Variants in PAK5 observed in about 807,000 individuals in gnomAD.
PAK5 encodes serine/threonine-protein kinase PAK 5.
A neutral mutation model predicts 65.9 loss-of-function variants in PAK5; 16 were observed. The ratio of observed to expected loss-of-function variants is 0.24; its 90% CI spans 0.16 to 0.37. The LOEUF is 0.37. PAK5 is among the 10% of genes least tolerant of loss of function. PAK5 has a pLI of 1.00. For missense variants in PAK5, 785 were observed against 903.9 expected, an observed-to-expected ratio of 0.87 and a Z score of 1.69; for synonymous variants, 371 against 354.9, an observed-to-expected ratio of 1.05 and a Z score of -0.51.
Position 9,763,499 on chromosome 20 carries a change from T to C in PAK5, c.-161-52064A>G, listed in dbSNP as rs111922745. 4.0e-3 allele frequency among the ~76,000 whole-genome samples: 611 copies of C among 151,684 alleles called. 1 individual carries two copies. The highest frequency in any genetic ancestry group is 0.014 in the African/African-American group (578 of 41,366). On this transcript the variant is annotated intron_variant, in intron 1 of 9. Coordinates refer to ENST00000353224, the MANE Select transcript of PAK5 (RefSeq NM_177990.4). ...TTATCCTAACTGATACAGACACATA[T>C]CAAAAATAAACCAATAAGCTGTTAA...
chr20:9,584,997 G>T (rs2046044192), intron 3 of PAK5, among the ~76,000 whole-genome samples: 1 of 152,084 alleles, frequency 6.6e-6, no homozygotes. Context: ...GGGCCCTTCT[G>T]AATCACTGGA....
At chr20:9,645,895 A>C (rs1276712018) in intron 2 of PAK5, among the ~76,000 whole-genome samples, 1 of 152,070 alleles carries the variant, frequency 6.6e-6, no homozygotes, top group African/African-American at 2.4e-5. Context: ...CTATCTTCCT[A>C]CACTTCTATG....
chr20:9,624,518 A>T (rs1434543183), intron 3 of PAK5, among the ~76,000 whole-genome samples: 1 of 141,714 alleles, frequency 7.1e-6, no homozygotes, highest in Non-Finnish European at 1.5e-5. Flanking sequence ...TTATAAAGGT[A>T]ACAGAATTTC....
chr20:9,695,551 T>C (rs994748143), intron 2 of PAK5, among the ~76,000 whole-genome samples: 3 of 152,066 alleles, frequency 2.0e-5, no homozygotes, highest in African/African-American at 7.2e-5. Context: ...TGACCTTTAA[T>C]AACCCTTGCT....
rs188866615 is a variant in PAK5 at position 9,691,295 on chromosome 20, C to G, written c.-12+19991G>C. 2.0e-3 allele frequency among the ~76,000 whole-genome samples: 299 copies of G among 152,198 alleles called. 2 individuals carry two copies. The highest frequency in any genetic ancestry group is 6.6e-3 in the African/African-American group (272 of 41,518). ...ACATCTGTACCAAAAGAGGAAAGCA[C>G]TTGATTACTGAGGACACTCAGACGG... On this transcript the variant is annotated intron_variant, in intron 2 of 9. Coordinates refer to ENST00000353224, the MANE Select transcript of PAK5 (RefSeq NM_177990.4).
chr20:9,812,721 TAGAA>T (rs2049312138), intron 1 of PAK5, among the ~76,000 whole-genome samples: 1 of 152,274 alleles, frequency 6.6e-6, no homozygotes, highest in Middle Eastern at 3.4e-3. Flanking sequence ...ATTAGATAGT[TAGAA>T]GGAATAAGAT....
intron 1 of PAK5, among the ~76,000 whole-genome samples, chr20:9,799,566 C>T (rs1442059439): frequency 6.6e-6 from 1 of 151,974 alleles, no homozygotes; most frequent in Non-Finnish European, 1.5e-5. Flanking sequence ...TTCTATGGGT[C>T]TTATATTCAG....
intron 1 of PAK5, among the ~76,000 whole-genome samples, chr20:9,826,998 T>C (rs1351705738): frequency 6.6e-6 from 1 of 152,126 alleles, no homozygotes; most frequent in Non-Finnish European, 1.5e-5. Context: ...TTTCTCTCTT[T>C]TCCATGTGTT....
intron 1 of PAK5, among the ~76,000 whole-genome samples, chr20:9,802,071 A>G (rs2049175563): frequency 6.6e-6 from 1 of 152,194 alleles, no homozygotes; most frequent in Admixed American, 6.5e-5. Context: ...AGTCTGGGGA[A>G]GTAAAAGAGC....
chr20:9,613,325 C>T (rs1013440663), intron 3 of PAK5, among the ~76,000 whole-genome samples: 1 of 152,248 alleles, frequency 6.6e-6, no homozygotes, highest in African/African-American at 2.4e-5. Flanking sequence ...CAGGAGGATA[C>T]AGAAGATCAC....
At chr20:9,790,456 A>G (rs188804972) in intron 1 of PAK5, among the ~76,000 whole-genome samples, 1 of 152,168 alleles carries the variant, frequency 6.6e-6, no homozygotes, top group East Asian at 1.9e-4. Flanking sequence ...GGGACATTAC[A>G]CAAAGGTAGA....
At chr20:9,574,208 TG>T (rs2045844601) in intron 4 of PAK5, among the ~76,000 whole-genome samples, 2 of 152,170 alleles carry the variant, frequency 1.3e-5, no homozygotes, top group African/African-American at 4.8e-5. Flanking sequence ...TCTGTCTCTC[TG>T]GTTGTGCCCT....
At chr20:9,622,653 C>G (rs1032774448) in intron 3 of PAK5, among the ~76,000 whole-genome samples, 1 of 152,218 alleles carries the variant, frequency 6.6e-6, no homozygotes, top group African/African-American at 2.4e-5. Context: ...CTTGTCAGAT[C>G]AGCAGCGACA....
chr20:9,585,090 A>AT (rs1362491912), intron 3 of PAK5, among the ~76,000 whole-genome samples: 7 of 152,148 alleles, frequency 4.6e-5, no homozygotes, highest in Admixed American at 1.3e-4. Context: ...ACTATATTAG[A>AT]TTTTTTTCAT....
At chr20:9,723,417 T>G (rs2123527419) in intron 1 of PAK5, among the ~76,000 whole-genome samples, 1 of 152,290 alleles carries the variant, frequency 6.6e-6, no homozygotes, top group East Asian at 1.9e-4. Flanking sequence ...TTAAATGTGT[T>G]GGTTAGAAAA....
chr20:9,558,550 G>C (rs57643694), intron 6 of PAK5, among the ~76,000 whole-genome samples: 22,721 of 152,024 alleles, frequency 0.15, 2,481 homozygotes, highest in African/African-American at 0.3. Context: ...TAACTTCCTT[G>C]GGTCTTATTT....
chr20:9,823,470 TC>T (rs749583372), intron 1 of PAK5, among the ~76,000 whole-genome samples: 5 of 152,200 alleles, frequency 3.3e-5, no homozygotes, highest in East Asian at 1.9e-4. Context: ...TGGGGGTGGT[TC>T]CCCCATACTG....
At position 9,761,048 on chromosome 20, in the gene PAK5, T is replaced by C. The variant is rs530838201; in HGVS notation, c.-161-49613A>G. Among the ~76,000 whole-genome samples, 14 of 152,306 alleles carry C rather than the reference T, an allele frequency of 9.2e-5. No homozygotes were observed. In the South Asian group the frequency reaches 2.5e-3, roughly 27 times the overall value. On this transcript the variant is annotated intron_variant, in intron 1 of 9. Coordinates refer to ENST00000353224, the MANE Select transcript of PAK5 (RefSeq NM_177990.4). ...TAGTTTTCCTTAGAGCATAAGCATA[T>C]AAAGTATCACTAGTGTCATTTCAGA...
intron 1 of PAK5, among the ~76,000 whole-genome samples, chr20:9,740,231 C>T (rs139908720): frequency 7.2e-4 from 109 of 152,152 alleles, no homozygotes; most frequent in East Asian, 4.5e-3. Context: ...CTCGCACAAC[C>T]GAAGGATTAG....
Sources: allele counts gnomAD v4.1 joint callset (sites outside exome capture counted in the v4.1 genomes callset), GRCh38; gene constraint gnomAD v4.1.1; transcripts MANE v1.5; gene names NCBI Gene and HGNC (gene_info 2026-07-23, HGNC 2026-07-21).